Variants in CFLAR observed in about 807,000 individuals in gnomAD.
The protein encoded by CFLAR is CASP8 and FADD-like apoptosis regulator.
CFLAR carries 14 observed loss-of-function variants against 51.1 expected under a neutral mutation model. The observed-to-expected ratio is 0.27, with a 90% confidence interval of 0.18 to 0.43. CFLAR has a LOEUF of 0.43. Among genes scored for constraint, CFLAR ranks in the 20% least tolerant of loss-of-function variants. The pLI is 1.00. For missense variants in CFLAR, 390 were observed against 566.5 expected (o/e 0.69, Z 3.16); for synonymous variants, 210 against 211.6 (o/e 0.99, Z 0.06).
At position 201,120,225 on chromosome 2, in the gene CFLAR, A is replaced by T. The variant is rs927631543; in HGVS notation, c.-138+3744A>T. On this transcript the variant is annotated intron_variant, in intron 1 of 9. Transcript: ENST00000309955. ...TTTTGAGACAGAGTCTCACTCTGTC[A>T]CCCAGGCTGGAGTGCAGTGGTGCTA... Among the ~76,000 whole-genome samples, 19 of 148,076 alleles carry T rather than the reference A, an allele frequency of 1.3e-4. 1 individual carries two copies. Among genetic ancestry groups the T allele is most frequent in the Non-Finnish European group, 2.2e-4 (15 of 66,982 alleles).
rs1392907543 is a variant in CFLAR at position 201,171,163 on chromosome 2, G to C, written c.*7190G>C. The C allele has an allele frequency of 6.6e-6, 1 of 152,110 alleles. No individual in the cohort carries two copies. The highest frequency in any genetic ancestry group is 1.5e-5 in the Non-Finnish European group (1 of 68,028). 9.4% of individuals were successfully genotyped at this position (152,110 alleles called of 1,614,324 possible). A position where few individuals can be genotyped will look rare whatever the true frequency, so the allele number is the denominator to read the frequency against. On this transcript the variant is annotated 3_prime_UTR_variant, in exon 10 of 10. Coordinates refer to ENST00000309955, the MANE Select transcript of CFLAR (RefSeq NM_003879.7). Reference sequence around the variant, plus strand: ...GGGGACTTAGGGGAAAGGGTGGGAGGGGGGTGAAGGATAAAAGAATACAAA... The same window carrying C: ...GGGGACTTAGGGGAAAGGGTGGGAGCGGGGTGAAGGATAAAAGAATACAAA...
rs2047953398 is a variant in CFLAR, at chr2:201,119,508, C to A, written c.-138+3027C>A. Among the ~76,000 whole-genome samples, 3 of 152,116 alleles carry A rather than the reference C, an allele frequency of 2.0e-5. No individual in the cohort carries two copies. In the South Asian group the frequency reaches 6.2e-4, roughly 32 times the overall value. ...TAGTATGCCCAGGTAACTTGCAGAA[C>A]CCGGTCGTTCTTTCTTACTATAGAT... On this transcript the variant is annotated intron_variant, in intron 1 of 9. Coordinates refer to ENST00000309955, the MANE Select transcript of CFLAR (RefSeq NM_003879.7).
Position 201,124,682 on chromosome 2 carries a change from T to C in CFLAR, c.-137-5047T>C, listed in dbSNP as rs969547878. Among the ~76,000 whole-genome samples, 3 of 152,046 alleles carry C rather than the reference T, an allele frequency of 2.0e-5. No homozygotes were observed. The highest frequency in any genetic ancestry group is 2.0e-4 in the Admixed American group (3 of 15,254). On this transcript the variant is annotated intron_variant, in intron 1 of 9. Coordinates refer to ENST00000309955, the MANE Select transcript of CFLAR (RefSeq NM_003879.7). This position sits in a 1 kb window ranked among gnomAD's most constrained non-coding sequence, Gnocchi z 4.7. ...ATTTCACTTAGATGGAAGGTAGATT[T>C]GGAGAGGGTGAGGTCTAAAGCAGGG...
intron 5 of CFLAR, chr2:201,141,523 T>G (rs1292889841): frequency 2.8e-6 from 4 of 1,408,820 alleles, no homozygotes; most frequent in Non-Finnish European, 3.7e-6. Flanking sequence ...CCCTTTCTTG[T>G]TGCTGTATGT....
chr2:201,133,400 C>T (rs1282743493), intron 3 of CFLAR, among the ~76,000 whole-genome samples: 1 of 152,138 alleles, frequency 6.6e-6, no homozygotes, highest in Non-Finnish European at 1.5e-5. Context: ...AGGTCTGGCT[C>T]ATATGTGTTT....
rs199520273 is a variant in CFLAR at position 201,163,931 on chromosome 2, G to A, written c.1401G>A (p.Leu467=). 48 of 1,614,010 alleles carry A rather than the reference G, an allele frequency of 3.0e-5. No individual in the cohort carries two copies. The highest frequency in any genetic ancestry group is 3.6e-5 in the Non-Finnish European group (42 of 1,180,032). ...VSAKEKYYVW[L]QHTLRKKLIL... ...CCAAGGAGAAATATTATGTCTGGCT[G>A]CAGCACACTCTGAGAAAGAAACTTA... The change falls in exon 10 of 10, where the codon CTG becomes CTA. Residue 467 remains leucine, a synonymous_variant. Coordinates refer to ENST00000309955, the MANE Select transcript of CFLAR (RefSeq NM_003879.7).
intron 5 of CFLAR, chr2:201,141,790 A>G (rs922836432): frequency 6.0e-6 from 2 of 332,006 alleles, no homozygotes; most frequent in Non-Finnish European, 8.7e-6. Flanking sequence ...TTTTATCTTG[A>G]GAAGTTAAAT....
intron 3 of CFLAR, among the ~76,000 whole-genome samples, chr2:201,135,463 GACTT>G (rs1387800076): frequency 3.3e-5 from 5 of 152,176 alleles, no homozygotes; most frequent in African/African-American, 7.2e-5. Flanking sequence ...ATGACCAAAA[GACTT>G]ACCACCACCT....
chr2:201,136,633 A>T (rs2050166588), intron 4 of CFLAR: 3 of 1,400,854 alleles, frequency 2.1e-6, no homozygotes. Flanking sequence ...TGTCTTTTAG[A>T]CTCAGCCTCA....
At chr2:201,123,248 C>G (rs1218774008) in intron 1 of CFLAR, among the ~76,000 whole-genome samples, 8 of 152,200 alleles carry the variant, frequency 5.3e-5, no homozygotes, top group African/African-American at 1.9e-4. Flanking sequence ...GCGATAATGT[C>G]TGGTTGGAAT....
intron 5 of CFLAR, among the ~76,000 whole-genome samples, 175 bp from the exon 6 acceptor site, chr2:201,145,203 C>T (rs956463715): frequency 3.1e-4 from 47 of 152,206 alleles, no homozygotes; most frequent in African/African-American, 9.6e-4. Flanking sequence ...TAATATGATA[C>T]GGGATTTATG....
intron 5 of CFLAR, 85 bp downstream of exon 5, chr2:201,140,524 C>T (rs1938448181): frequency 1.0e-5 from 10 of 983,174 alleles, no homozygotes; most frequent in Middle Eastern, 4.3e-4. Flanking sequence ...ACAGCATGTA[C>T]TTTATTTAAT....
chr2:201,132,021 T>G (rs989515027), intron 2 of CFLAR, among the ~76,000 whole-genome samples: 5 of 152,206 alleles, frequency 3.3e-5, no homozygotes, highest in African/African-American at 1.2e-4. Flanking sequence ...ATTATTTTTT[T>G]AATCTTCCAC....
Position 201,166,043 on chromosome 2 carries a change from A to G in CFLAR, c.*2070A>G, listed in dbSNP as rs947669334. 9.3e-5 allele frequency: 18 copies of G among 193,928 alleles called. No homozygotes were observed. Among genetic ancestry groups the G allele is most frequent in the Non-Finnish European group, 1.6e-4 (16 of 97,766 alleles). The allele number at this position is 193,928 out of a possible 1,614,324, so 12.0% of individuals were successfully genotyped here. A position where few individuals can be genotyped will look rare whatever the true frequency, so the allele number is the denominator to read the frequency against. ...TTTTCCCCACCTTTCCCCCTTTTCTATTCCACAAAACCGCCATCGTCATCA... is the reference window on the plus strand; with the variant it reads ...TTTTCCCCACCTTTCCCCCTTTTCTGTTCCACAAAACCGCCATCGTCATCA... On this transcript the variant is annotated 3_prime_UTR_variant, in exon 10 of 10. Transcript: ENST00000309955.
At chr2:201,125,837 C>T (rs1268453007) in intron 1 of CFLAR, among the ~76,000 whole-genome samples, 1 of 152,132 alleles carries the variant, frequency 6.6e-6, no homozygotes, top group Non-Finnish European at 1.5e-5. Context: ...TCCTTCGGAA[C>T]TTGCTACTGG....
intron 5 of CFLAR, 165 bp downstream of exon 5, chr2:201,140,604 A>T (rs1378552860): frequency 3.6e-6 from 2 of 560,668 alleles, no homozygotes; most frequent in African/African-American, 2.0e-5. Flanking sequence ...TTCAAAGCTA[A>T]TACATGTTCA....
At chr2:201,136,304 T>C in intron 4 of CFLAR, 197 bp downstream of exon 4, 4 of 1,599,052 alleles carry the variant, frequency 2.5e-6, no homozygotes, top group Non-Finnish European at 3.4e-6. Flanking sequence ...CATTGCCCTG[T>C]ATATTCATGA....
At chr2:201,149,861 T>A in intron 8 of CFLAR, 26 bp downstream of exon 8, 1 of 1,557,718 alleles carries the variant, frequency 6.4e-7, no homozygotes, top group Non-Finnish European at 8.9e-7. Context: ...GCAGATTAAC[T>A]GGTGCCCCCA....
At chr2:201,157,032 C>T (rs976263918) in intron 8 of CFLAR, among the ~76,000 whole-genome samples, 2 of 152,186 alleles carry the variant, frequency 1.3e-5, no homozygotes, top group African/African-American at 4.8e-5. Context: ...TGTGCAACAC[C>T]ATAAGGTTGG....
Sources: gnomAD v4.1 joint callset for allele counts (sites outside exome capture counted in the v4.1 genomes callset) on GRCh38, gnomAD v4.1.1 for gene constraint, Gnocchi (gnomAD v3.1) non-coding constraint, MANE v1.5 for transcripts, NCBI Gene and HGNC (gene_info 2026-07-23, HGNC 2026-07-21) for gene names.